PTP4A1: variants seen among roughly 807,000 people sequenced by gnomAD.
PTP4A1 encodes the protein protein tyrosine phosphatase 4A1.
In PTP4A1, 9 loss-of-function variants were observed where a neutral mutation model predicts 20.5. The ratio of observed to expected loss-of-function variants is 0.44; its 90% confidence interval spans 0.26 to 0.77. The LOEUF (loss-of-function observed/expected upper bound fraction) is 0.77, where lower values mean the gene tolerates loss of function less well. PTP4A1 is among the 30% of genes least tolerant of loss of function. PTP4A1 has a pLI of 0.19. For missense variants in PTP4A1, 137 were observed against 218.8 expected (o/e 0.63, Z 2.36); for synonymous variants, 78 against 67.4 (o/e 1.16, Z -0.77).
intron 2 of PTP4A1, chr6:63,549,437 T>C: frequency 1.3e-6 from 1 of 767,544 alleles, no homozygotes; most frequent in South Asian, 1.4e-5. Context: ...ACCACTTTCT[T>C]AACCTCCTGC....
chr6:63,529,214 T>TG (rs1562112515), intron 2 of PTP4A1, among the ~76,000 whole-genome samples: 7 of 149,238 alleles, frequency 4.7e-5, no homozygotes, highest in African/African-American at 1.7e-4. Flanking sequence ...TGTATATATA[T>TG]TTGCTAATAA....
intron 3 of PTP4A1, among the ~76,000 whole-genome samples, chr6:63,564,544 A>G (rs1777106279): frequency 6.6e-6 from 1 of 152,208 alleles, no homozygotes; most frequent in Admixed American, 6.5e-5. Context: ...TGCTTAGGTC[A>G]CTGTCTGTCT....
At chr6:63,523,880 T>C (rs1200329925) in intron 1 of PTP4A1, among the ~76,000 whole-genome samples, 1 of 152,176 alleles carries the variant, frequency 6.6e-6, no homozygotes, top group African/African-American at 2.4e-5. Context: ...ACAGATTGCC[T>C]ACTCCTAGCA....
chr6:63,534,781 C>CTAAAGAATTGCTTTAGTAAAGAATTTCA (rs1562114767), intron 2 of PTP4A1, among the ~76,000 whole-genome samples: 1 of 137,748 alleles, frequency 7.3e-6, no homozygotes, highest in African/African-American at 2.9e-5. Flanking sequence ...AATTTCTTTA[C>CTAAAGAATTGCTTTAGTAAAGAATTTCA]TAAAGAATTT....
chr6:63,534,395 A>G, intron 2 of PTP4A1, among the ~76,000 whole-genome samples: 1 of 152,050 alleles, frequency 6.6e-6, no homozygotes, highest in East Asian at 1.9e-4. Context: ...TAAACCTGAT[A>G]CATTTCTCCA....
At chr6:63,541,062 GGAAA>G (rs1775951944) in intron 2 of PTP4A1, among the ~76,000 whole-genome samples, 1 of 145,460 alleles carries the variant, frequency 6.9e-6, no homozygotes, top group Non-Finnish European at 1.5e-5. Context: ...AGGAAGGGAG[GGAAA>G]GAAAGAAATC....
chr6:63,539,956 T>G (rs538711125), intron 2 of PTP4A1, among the ~76,000 whole-genome samples: 1 of 152,164 alleles, frequency 6.6e-6, no homozygotes, highest in South Asian at 2.1e-4. Context: ...TAATGCCAAG[T>G]GTTGGAGGGT....
Position 63,578,879 on chromosome 6 carries a change from A to G in PTP4A1, c.199-19A>G. On this transcript the variant is annotated intron_variant, in intron 3 of 5. Transcript: ENST00000626021. ...TTTATATTAATGATCTAAAATGTTT[A>G]AATATTCTTCTGACTTAGGATTGGC... 1 of 1,508,880 alleles carries G rather than the reference A, an allele frequency of 6.6e-7. No individual in the cohort carries two copies. Among genetic ancestry groups the G allele is most frequent in the Non-Finnish European group, 8.9e-7 (1 of 1,124,320 alleles). 93.5% of individuals were successfully genotyped at this position (1,508,880 alleles called of 1,614,324 possible).
intron 2 of PTP4A1, among the ~76,000 whole-genome samples, chr6:63,529,670 G>A (rs1056378414): frequency 3.3e-5 from 5 of 152,162 alleles, no homozygotes; most frequent in African/African-American, 7.2e-5. Context: ...TAAAATGAAA[G>A]TTAGAAAACT....
chr6:63,530,093 GA>G (rs1288352630), intron 2 of PTP4A1, among the ~76,000 whole-genome samples: 1 of 152,046 alleles, frequency 6.6e-6, no homozygotes, highest in Non-Finnish European at 1.5e-5. Flanking sequence ...ATAGATTTCT[GA>G]AAATGAGCCG....
intron 2 of PTP4A1, among the ~76,000 whole-genome samples, chr6:63,530,459 A>G (rs1314000566): frequency 6.6e-6 from 1 of 152,176 alleles, no homozygotes; most frequent in Non-Finnish European, 1.5e-5. Flanking sequence ...GGTAAACATG[A>G]AGGCTTAGAC....
At chr6:63,549,903 A>G (rs568566374) in intron 2 of PTP4A1, among the ~76,000 whole-genome samples, 152 of 152,324 alleles carry the variant, frequency 1.0e-3, no homozygotes, top group Middle Eastern at 3.4e-3. Context: ...TAGCATTGTA[A>G]GATGCCTATA....
Position 63,581,529 on chromosome 6 carries a change from C to T in PTP4A1, c.*1355C>T, listed in dbSNP as rs1296511088. The T allele has an allele frequency of 6.6e-6, 1 of 152,280 alleles. No individual in the cohort carries two copies. Among genetic ancestry groups the T allele is most frequent in the African/African-American group, 2.4e-5 (1 of 41,404 alleles). The allele number at this position is 152,280 out of a possible 1,614,324, so 9.4% of individuals were successfully genotyped here. A position where few individuals can be genotyped will look rare whatever the true frequency, so the allele number is the denominator to read the frequency against. On this transcript the variant is annotated 3_prime_UTR_variant, in exon 6 of 6. Coordinates refer to ENST00000626021, the MANE Select transcript of PTP4A1 (RefSeq NM_003463.5). ...GAATTGCACTTCACTTAATGTGTGTCCTCATCTTTTTACAAATAAATGAAG... is the reference window on the plus strand; with the variant it reads ...GAATTGCACTTCACTTAATGTGTGTTCTCATCTTTTTACAAATAAATGAAG...
chr6:63,522,697 T>G (rs1774984148), intron 1 of PTP4A1, among the ~76,000 whole-genome samples: 1 of 152,140 alleles, frequency 6.6e-6, no homozygotes, highest in African/African-American at 2.4e-5. Context: ...GGATTCCTAT[T>G]GCTCATATGT....
At chr6:63,579,060 A>ATG (rs767225421) in intron 4 of PTP4A1, 32 bp downstream of exon 4, 21 of 1,539,782 alleles carry the variant, frequency 1.4e-5, no homozygotes, top group Middle Eastern at 1.8e-4. Context: ...ATTCTAGGTA[A>ATG]AAATCTATTG....
chr6:63,558,188 T>A (rs1327543200), intron 3 of PTP4A1, among the ~76,000 whole-genome samples: 2 of 152,022 alleles, frequency 1.3e-5, no homozygotes, highest in African/African-American at 4.8e-5. Context: ...ATTTTTAAAA[T>A]GCAGGGTGGA....
intron 2 of PTP4A1, among the ~76,000 whole-genome samples, chr6:63,544,414 G>A (rs921352322): frequency 6.6e-6 from 1 of 151,794 alleles, no homozygotes; most frequent in African/African-American, 2.4e-5. Flanking sequence ...AAACCCCAGG[G>A]TCCAAAAACA....
chr6:63,576,132 AGAATATATAT>A (rs1299001589), intron 1 of PTP4A1, among the ~76,000 whole-genome samples: 10 of 150,328 alleles, frequency 6.7e-5, no homozygotes, highest in African/African-American at 1.9e-4. Context: ...ATAACTAGAT[AGAATATATAT>A]GAATATATAT....
chr6:63,537,932 A>G (rs1377799168), intron 2 of PTP4A1, among the ~76,000 whole-genome samples: 1 of 152,248 alleles, frequency 6.6e-6, no homozygotes, highest in Non-Finnish European at 1.5e-5. Flanking sequence ...ACAGGAGTTT[A>G]AAAGAACAGA....
Sources: allele counts gnomAD v4.1 joint callset (sites outside exome capture counted in the v4.1 genomes callset), GRCh38; gene constraint gnomAD v4.1.1; transcripts MANE v1.5; gene names NCBI Gene and HGNC (gene_info 2026-07-23, HGNC 2026-07-21).